Variants in NR2C2 observed in about 807,000 individuals in gnomAD.
NR2C2 encodes nuclear receptor subfamily 2 group C member 2.
In NR2C2, 6 loss-of-function variants were observed where a neutral mutation model predicts 62.9. The observed-to-expected ratio is 0.10, with a 90% confidence interval of 0.05 to 0.19. The LOEUF (loss-of-function observed/expected upper bound fraction) is 0.19, where lower values mean the gene tolerates loss of function less well. Ranked by LOEUF, NR2C2 falls within the 10% of genes least tolerant of loss-of-function variation. The probability of loss-of-function intolerance (pLI) is 1.00; values close to 1 mark genes in which losing one functional copy is unlikely to be tolerated. For missense variants in NR2C2, 479 were observed against 762.7 expected (o/e 0.63, Z 4.38); for synonymous variants, 272 against 273.8 (o/e 0.99, Z 0.07).
intron 2 of NR2C2, among the ~76,000 whole-genome samples, chr3:15,005,856 T>C (rs1193806179): frequency 6.6e-6 from 1 of 152,112 alleles, no homozygotes; most frequent in Non-Finnish European, 1.5e-5. Flanking sequence ...TGTCTTTTCA[T>C]TGGTGGATGT....
chr3:14,954,009 G>A (rs1175095507), intron 1 of NR2C2, among the ~76,000 whole-genome samples: 1 of 152,034 alleles, frequency 6.6e-6, no homozygotes, highest in Non-Finnish European at 1.5e-5. Flanking sequence ...ATCTGATTAG[G>A]TATTATTTCT....
At chr3:14,982,320 A>T (rs1436693717) in intron 1 of NR2C2, among the ~76,000 whole-genome samples, 1 of 152,186 alleles carries the variant, frequency 6.6e-6, no homozygotes, top group Non-Finnish European at 1.5e-5. Context: ...GTTGTGAGCC[A>T]CTGTGCCCAT....
intron 7 of NR2C2, among the ~76,000 whole-genome samples, chr3:15,027,507 G>T (rs763785941): frequency 3.9e-5 from 6 of 152,194 alleles, no homozygotes; most frequent in Non-Finnish European, 7.3e-5. Flanking sequence ...ATTTTGATTT[G>T]CATTTCTCAT....
At chr3:14,994,525 C>T (rs2040765608) in intron 1 of NR2C2, among the ~76,000 whole-genome samples, 1 of 145,162 alleles carries the variant, frequency 6.9e-6, no homozygotes, top group South Asian at 2.2e-4. Flanking sequence ...TCACTGCAAC[C>T]TCTGCCTCCT....
At position 14,982,198 on chromosome 3, in the gene NR2C2, A is replaced by C. The variant is rs1011054280; in HGVS notation, c.-39-21678A>C. Reference sequence around the variant, plus strand: ...TTCCACCTCACCCTTCCAAGTAGCTAGGACTACAGGTGTGCGCCACCATAC... The same window carrying C: ...TTCCACCTCACCCTTCCAAGTAGCTCGGACTACAGGTGTGCGCCACCATAC... On this transcript the variant is annotated intron_variant, in intron 1 of 13. Coordinates refer to ENST00000425241, the MANE Select transcript of NR2C2 (RefSeq NM_001291694.2). 2.2e-4 allele frequency among the ~76,000 whole-genome samples: 34 copies of C among 152,226 alleles called. 4 individuals carry two copies. The highest frequency in any genetic ancestry group is 2.1e-3 in the South Asian group (10 of 4,818).
chr3:15,009,704 G>C (rs1574999788), intron 2 of NR2C2, among the ~76,000 whole-genome samples: 1 of 152,220 alleles, frequency 6.6e-6, no homozygotes, highest in Admixed American at 6.5e-5. Flanking sequence ...TAGTTTCCCA[G>C]GGCTGTCACA....
chr3:15,004,507 T>G, intron 2 of NR2C2: 1 of 1,521,780 alleles, frequency 6.6e-7, no homozygotes, highest in Non-Finnish European at 8.9e-7. Context: ...TTATTACTAA[T>G]ATTGTTATTA....
intron 3 of NR2C2, among the ~76,000 whole-genome samples, chr3:15,015,561 A>G (rs535651532): frequency 6.6e-6 from 1 of 152,294 alleles, no homozygotes; most frequent in Non-Finnish European, 1.5e-5. Flanking sequence ...TCTGTGTGTG[A>G]TTCCCCACAT....
intron 1 of NR2C2, among the ~76,000 whole-genome samples, chr3:14,968,398 T>C (rs1207796143): frequency 6.6e-6 from 1 of 152,098 alleles, no homozygotes; most frequent in Non-Finnish European, 1.5e-5. Context: ...TCACCATCAC[T>C]GGTCATCAGA....
intron 1 of NR2C2, among the ~76,000 whole-genome samples, chr3:14,957,578 A>G (rs1305905504): frequency 6.6e-6 from 1 of 152,142 alleles, no homozygotes; most frequent in African/African-American, 2.4e-5. Flanking sequence ...TATGGTCTGT[A>G]TTACAATTTT....
At chr3:15,031,148 A>G (rs559625229) in intron 9 of NR2C2, among the ~76,000 whole-genome samples, 12 of 152,104 alleles carry the variant, frequency 7.9e-5, no homozygotes, top group African/African-American at 2.9e-4. Context: ...AGAAACCCTC[A>G]TATAAAATCT....
At chr3:15,024,499 T>C (rs1047798284) in intron 7 of NR2C2, among the ~76,000 whole-genome samples, 3 of 152,218 alleles carry the variant, frequency 2.0e-5, no homozygotes, top group Non-Finnish European at 4.4e-5. Flanking sequence ...TTTTCTCTTA[T>C]ACACATTGGC....
At position 15,018,987 on chromosome 3, in the gene NR2C2, C is replaced by A. The variant is rs1222114508; in HGVS notation, c.377-1766C>A. On this transcript the variant is annotated intron_variant, in intron 4 of 13. Coordinates refer to ENST00000425241, the MANE Select transcript of NR2C2 (RefSeq NM_001291694.2). ...CCAAGATCGCACCACTGCACTCCAG[C>A]CTGGGTGACAAAAGCAAGACTCTTG... Among the ~76,000 whole-genome samples, 8 of 140,876 alleles carry A rather than the reference C, an allele frequency of 5.7e-5. No homozygotes were observed. In the East Asian group the frequency reaches 1.6e-3, roughly 29 times the overall value. The allele number at this position is 140,876 out of a possible 152,430, so 92.4% of individuals were successfully genotyped here.
At chr3:14,956,373 G>A (rs892089894) in intron 1 of NR2C2, among the ~76,000 whole-genome samples, 2 of 152,156 alleles carry the variant, frequency 1.3e-5, no homozygotes, top group African/African-American at 4.8e-5. Context: ...TGAATGCCTT[G>A]TACCTATCAA....
At chr3:15,012,473 A>G (rs1328887561) in intron 2 of NR2C2, among the ~76,000 whole-genome samples, 2 of 151,988 alleles carry the variant, frequency 1.3e-5, no homozygotes, top group African/African-American at 4.8e-5. Flanking sequence ...TGATCCTCCC[A>G]CCTCGGCCTC....
rs1040418578 is a variant in NR2C2, at chr3:15,001,454, C to A, written c.-39-2422C>A. 2.1e-4 allele frequency among the ~76,000 whole-genome samples: 32 copies of A among 151,424 alleles called. 4 individuals are homozygous for A. Among genetic ancestry groups the A allele is most frequent in the South Asian group, 1.9e-3 (9 of 4,792 alleles). ...GGTTCAAGCAATTCTCCTGTCTCAGCCTCCTGAGTAGCTGGGATTACAGGC... is the reference window on the plus strand; with the variant it reads ...GGTTCAAGCAATTCTCCTGTCTCAGACTCCTGAGTAGCTGGGATTACAGGC... On this transcript the variant is annotated intron_variant, in intron 1 of 13. Transcript: ENST00000425241.
chr3:14,969,066 G>C (rs2039953950), intron 1 of NR2C2, among the ~76,000 whole-genome samples: 1 of 149,792 alleles, frequency 6.7e-6, no homozygotes, highest in South Asian at 2.1e-4. Flanking sequence ...CAGCGCACCA[G>C]CATGGCACAT....
At chr3:15,000,886 C>G (rs2040973545) in intron 1 of NR2C2, among the ~76,000 whole-genome samples, 1 of 147,164 alleles carries the variant, frequency 6.8e-6, no homozygotes, top group African/African-American at 2.5e-5. Context: ...ACAATGTCGG[C>G]TCACTGCAAG....
chr3:14,989,672 C>T (rs1033728337), intron 1 of NR2C2, among the ~76,000 whole-genome samples: 10 of 151,806 alleles, frequency 6.6e-5, no homozygotes, highest in African/African-American at 1.9e-4. Context: ...TGGCTCACGA[C>T]CTGTAATCCC....
Sources: gnomAD v4.1 joint callset for allele counts (sites outside exome capture counted in the v4.1 genomes callset) on GRCh38, gnomAD v4.1.1 for gene constraint, MANE v1.5 for transcripts, NCBI Gene and HGNC (gene_info 2026-07-23, HGNC 2026-07-21) for gene names.